The following BEND5 variants were observed in gnomAD, a reference collection of about 807,000 sequenced individuals.
BEND5 encodes the protein BEN domain-containing protein 5.
In BEND5, 22 loss-of-function variants were observed where a neutral mutation model predicts 43.9. The observed-to-expected ratio is 0.50, with a 90% CI of 0.36 to 0.72. The LOEUF (loss-of-function observed/expected upper bound fraction) is 0.72, where lower values mean the gene tolerates loss of function less well. Among genes scored for constraint, BEND5 ranks in the 30% least tolerant of loss-of-function variants. The probability of loss-of-function intolerance (pLI) is 0.00; values close to 1 mark genes in which losing one functional copy is unlikely to be tolerated. For missense variants in BEND5, 428 were observed against 550.6 expected, an observed-to-expected ratio of 0.78 and a Z score of 2.23; for synonymous variants, 228 against 225.9, an observed-to-expected ratio of 1.01 and a Z score of -0.08.
At chr1:48,739,430 T>C (rs1179199621) in intron 4 of BEND5, among the ~76,000 whole-genome samples, 2 of 152,226 alleles carry the variant, frequency 1.3e-5, no homozygotes, top group African/African-American at 2.4e-5. Context: ...ATCCATTCTG[T>C]TCACTACTAC....
intron 2 of BEND5, among the ~76,000 whole-genome samples, chr1:48,760,046 C>T (rs547137724): frequency 1.3e-5 from 2 of 152,290 alleles, no homozygotes; most frequent in African/African-American, 4.8e-5. Flanking sequence ...CTTAGGGTCA[C>T]ATAGTGAGAT....
intron 3 of BEND5, among the ~76,000 whole-genome samples, chr1:48,746,901 A>G (rs947162497): frequency 2.0e-5 from 3 of 152,246 alleles, no homozygotes; most frequent in African/African-American, 7.2e-5. Flanking sequence ...AATGTTTAGC[A>G]TTACAGGATC....
chr1:48,756,114 A>G (rs962674015), intron 3 of BEND5, among the ~76,000 whole-genome samples: 3 of 152,206 alleles, frequency 2.0e-5, no homozygotes, highest in South Asian at 2.1e-4. Flanking sequence ...GTGTGTCACA[A>G]GGCTGTAATA....
chr1:48,751,721 C>A (rs965766282), intron 3 of BEND5, among the ~76,000 whole-genome samples: 3 of 152,190 alleles, frequency 2.0e-5, no homozygotes, highest in Non-Finnish European at 4.4e-5. Context: ...CACTGCTATT[C>A]TGACAATGGG....
intron 1 of BEND5, among the ~76,000 whole-genome samples, chr1:48,775,839 G>A (rs1326363010): frequency 1.3e-5 from 2 of 152,240 alleles, no homozygotes; most frequent in African/African-American, 4.8e-5. Context: ...AGGGATGAGA[G>A]GTCCAGTGTT....
intron 1 of BEND5, among the ~76,000 whole-genome samples, chr1:48,771,021 A>G (rs749948730): frequency 4.6e-5 from 7 of 152,170 alleles, no homozygotes; most frequent in Admixed American, 6.5e-5. Flanking sequence ...AAAAATCTCT[A>G]TCTCACAAGG....
In BEND5 at chr1:48,736,081, T is replaced by C. The variant is rs1396371449; in HGVS notation, c.1108+158A>G. ...CTGCCCTGGTAAATGTGAGCTCTTC[T>C]GGGGCATTTGGGTTATCCGCTTGGT... On this transcript the variant is annotated intron_variant, in intron 5 of 5. Coordinates refer to ENST00000371833, the MANE Select transcript of BEND5 (RefSeq NM_024603.4). The surrounding 1 kb of genome is among the most constrained non-coding windows in gnomAD (Gnocchi z 4.0). Among the ~76,000 whole-genome samples, 1 of 152,246 alleles carries C rather than the reference T, an allele frequency of 6.6e-6. No homozygotes were observed. The highest frequency in any genetic ancestry group is 2.4e-5 in the African/African-American group (1 of 41,470).
chr1:48,759,379 A>T, intron 2 of BEND5, 95 bp from the exon 3 acceptor site: 1 of 1,473,520 alleles, frequency 6.8e-7, no homozygotes, highest in Non-Finnish European at 9.0e-7. Context: ...AAAATCACAG[A>T]ATCACAGAAC....
chr1:48,749,401 A>C (rs1651299445), intron 3 of BEND5, among the ~76,000 whole-genome samples: 1 of 152,162 alleles, frequency 6.6e-6, no homozygotes, highest in Non-Finnish European at 1.5e-5. Context: ...TAGCGAAAGA[A>C]GTTAATCCTT....
intron 5 of BEND5, among the ~76,000 whole-genome samples, chr1:48,732,724 A>T (rs1056283120): frequency 6.6e-6 from 1 of 152,178 alleles, no homozygotes; most frequent in South Asian, 2.1e-4. Flanking sequence ...CCAAAGGCAG[A>T]TCATCTGTAA....
In BEND5 at chr1:48,759,092, C is replaced by A; in HGVS notation, c.553G>T (p.Glu185Ter). Residue 185 changes from glutamate (E) to a stop codon, truncating the protein, a stop_gained, in exon 3 of 6, where the codon GAG (glutamate) becomes TAG (stop). Transcript: ENST00000371833. LOFTEE classifies it high-confidence loss of function. The part of the protein sequence containing the change: ...DAVVPRALYE[E>*]LLRNYQQQQE... ...TGCTGCTGGTAGTTGCGCAGCAGCT[C>A]CTCATACAGAGCCCGGGGCACCACA... The A allele has an allele frequency of 1.2e-6, 2 of 1,612,364 alleles. No homozygotes were observed. Among genetic ancestry groups the A allele is most frequent in the Non-Finnish European group, 1.7e-6 (2 of 1,179,058 alleles).
At position 48,771,143 on chromosome 1, in the gene BEND5, C is replaced by T. The variant is rs150831251; in HGVS notation, c.226+5463G>A. Among the ~76,000 whole-genome samples, 953 of 152,272 alleles carry T rather than the reference C, an allele frequency of 6.3e-3. 38 individuals are homozygous for T. The highest frequency in any genetic ancestry group is 0.058 in the Admixed American group (893 of 15,308). ...CATTTCCCTGGAGTATAAGACTGAC[C>T]ACCTAGTATAACTCAATACTTGTGG... On this transcript the variant is annotated intron_variant, in intron 1 of 5. Coordinates refer to ENST00000371833, the MANE Select transcript of BEND5 (RefSeq NM_024603.4).
At position 48,727,895 on chromosome 1, in the gene BEND5, A is replaced by G. The variant is rs772262206; in HGVS notation, c.1257T>C (p.Asn419=). 16 of 1,602,602 alleles carry G rather than the reference A, an allele frequency of 1.0e-5. No homozygotes were observed. The Admixed American group carries it at 2.6e-4, about 26-fold the overall frequency. ...KNEERREAKY[N]LQ is the part of the protein sequence containing the mutation. ...ATGAAAAATCCAAAGTTTATTGCAA[A>G]TTGTATTTTGCTTCCCTTCGTTCTT... The change falls in exon 6 of 6, where the codon AAT becomes AAC. Residue 419 remains asparagine, a synonymous_variant. Transcript: ENST00000371833.
At chr1:48,740,371 G>A (rs1015833070) in intron 4 of BEND5, among the ~76,000 whole-genome samples, 1 of 152,124 alleles carries the variant, frequency 6.6e-6, no homozygotes. Context: ...TAATTATAGA[G>A]GAGTCCCTTC....
intron 3 of BEND5, among the ~76,000 whole-genome samples, chr1:48,752,568 T>C (rs1041972281): frequency 2.0e-5 from 3 of 152,150 alleles, no homozygotes; most frequent in Admixed American, 6.5e-5. Flanking sequence ...TGACCAAAGA[T>C]TAAGACATCC....
chr1:48,758,773 G>C (rs1644088424), intron 3 of BEND5, 127 bp downstream of exon 3: 1 of 810,214 alleles, frequency 1.2e-6, no homozygotes, highest in African/African-American at 1.7e-5. Context: ...TAACTGGTAA[G>C]CCAAGAGTCT....
chr1:48,741,597 C>T (rs192334587), intron 4 of BEND5, among the ~76,000 whole-genome samples: 116 of 152,360 alleles, frequency 7.6e-4, no homozygotes, highest in African/African-American at 1.9e-3. Flanking sequence ...AAAACTAATA[C>T]GTTTCATTTC....
rs1019871138 is a variant in BEND5, at chr1:48,746,220, T to C, written c.746-3449A>G. 4.6e-5 allele frequency among the ~76,000 whole-genome samples: 7 copies of C among 152,238 alleles called. No homozygotes were observed. The South Asian group carries it at 1.4e-3, about 31-fold the overall frequency. On this transcript the variant is annotated intron_variant, in intron 3 of 5. Transcript: ENST00000371833. ...ATGAAACAATGATTTCAGAGTCTAG[T>C]ACAGAGTGGGTTTTTTTGGTAAATA...
chr1:48,749,640 C>T (rs910141952), intron 3 of BEND5, among the ~76,000 whole-genome samples: 2 of 152,124 alleles, frequency 1.3e-5, no homozygotes, highest in Non-Finnish European at 2.9e-5. Flanking sequence ...CTCTGACATT[C>T]CTAGGGGGTC....
Sources: gnomAD v4.1 joint callset for allele counts (sites outside exome capture counted in the v4.1 genomes callset) on GRCh38, gnomAD v4.1.1 for gene constraint, Gnocchi (gnomAD v3.1) non-coding constraint, MANE v1.5 for transcripts, NCBI Gene and HGNC (gene_info 2026-07-23, HGNC 2026-07-21) for gene names.